The following CRB1 variants were observed in gnomAD, a reference collection of about 807,000 sequenced individuals.
The protein encoded by CRB1 is crumbs cell polarity complex component 1.
In CRB1, 83 loss-of-function variants were observed where a neutral mutation model predicts 120.0. That is an observed-to-expected ratio of 0.69 (90% confidence interval 0.58 to 0.83). CRB1 has a LOEUF of 0.83. Among genes scored for constraint, CRB1 ranks in the 40% least tolerant of loss-of-function variants. CRB1 has a pLI of 0.00. For missense variants in CRB1, 1,699 were observed against 1,687.6 expected, an observed-to-expected ratio of 1.01 and a Z score of -0.12; for synonymous variants, 625 against 612.5, an observed-to-expected ratio of 1.02 and a Z score of -0.30.
the CRB1 span, among the ~76,000 whole-genome samples, chr1:197,257,047 T>A: frequency 4.6e-5 from 7 of 151,066 alleles, no homozygotes; most frequent in African/African-American, 1.7e-4. Flanking sequence ...AAAGCCAAAG[T>A]GGTGTAATTC....
the CRB1 span, among the ~76,000 whole-genome samples, chr1:197,218,894 G>A: frequency 6.6e-6 from 1 of 152,342 alleles, no homozygotes; most frequent in South Asian, 2.1e-4. Context: ...AAGTTGGAAG[G>A]AGTATTTAGT....
At chr1:197,436,757 G>A (rs190727703) in intron 9 of CRB1, among the ~76,000 whole-genome samples, 171 of 152,114 alleles carry the variant, frequency 1.1e-3, no homozygotes, top group African/African-American at 4.0e-3. Context: ...GCATTTTGAC[G>A]AACAAGATTT....
chr1:197,408,155 G>A (rs1450215257), intron 5 of CRB1, among the ~76,000 whole-genome samples: 2 of 152,088 alleles, frequency 1.3e-5, no homozygotes, highest in Non-Finnish European at 2.9e-5. Flanking sequence ...CTCTGTGCTG[G>A]GTTCCATATG....
At chr1:197,207,933 T>C in the CRB1 span, among the ~76,000 whole-genome samples, 3 of 151,978 alleles carry the variant, frequency 2.0e-5, no homozygotes, top group African/African-American at 7.2e-5. Flanking sequence ...TTTTTCTTTG[T>C]TTTGGTTGGA....
In CRB1 at chr1:197,356,996, G is replaced by C. The variant is rs1186916960; in HGVS notation, c.1154G>C (p.Cys385Ser). The C allele has an allele frequency of 6.2e-7, 1 of 1,614,220 alleles. No individual in the cohort carries two copies. Residue 385 changes from cysteine (C) to serine (S), a missense_variant, in exon 5 of 12, where the codon TGT becomes TCT. Cys to Ser is a moderately radical substitution (Grantham distance 112). Coordinates refer to ENST00000367400, the MANE Select transcript of CRB1 (RefSeq NM_201253.3). ...YHEASGYVCI[C>S]QPGFTGIHCE... ...GAAGCCTCAGGTTATGTCTGTATCT[G>C]TCAGCCTGGATTCACAGGTGAGGCC... is the stretch of plus-strand genomic sequence containing the variant.
chr1:197,317,391 C>T (rs1272881259), intron 1 of CRB1, among the ~76,000 whole-genome samples: 1 of 152,040 alleles, frequency 6.6e-6, no homozygotes, highest in Non-Finnish European at 1.5e-5. Flanking sequence ...GCACTCCAGC[C>T]TGGGTGACAG....
At chr1:197,405,941 G>A (rs188067706) in intron 5 of CRB1, among the ~76,000 whole-genome samples, 8,356 of 151,246 alleles carry the variant, frequency 0.055, 728 homozygotes, top group African/African-American at 0.19. Context: ...CGTCCCGTCC[G>A]GGAGGGAGGT....
chr1:197,469,220 AAAAT>A (rs1372015541), intron 11 of CRB1, among the ~76,000 whole-genome samples: 1 of 152,208 alleles, frequency 6.6e-6, no homozygotes, highest in Non-Finnish European at 1.5e-5. Context: ...ACCCTGTCTC[AAAAT>A]AAATAAATAA....
intron 5 of CRB1, among the ~76,000 whole-genome samples, chr1:197,373,873 G>GA (rs1661505830): frequency 6.6e-6 from 1 of 152,084 alleles, no homozygotes; most frequent in Non-Finnish European, 1.5e-5. Flanking sequence ...CTTGAAAACT[G>GA]AAAATAAGAA....
intron 1 of CRB1, among the ~76,000 whole-genome samples, chr1:197,291,174 G>T (rs1656156074): frequency 6.6e-6 from 1 of 151,714 alleles, no homozygotes; most frequent in African/African-American, 2.4e-5. Flanking sequence ...TTCCATGCAA[G>T]ATAATTCATT....
chr1:197,386,821 A>C (rs1400348223), intron 5 of CRB1, among the ~76,000 whole-genome samples: 1 of 152,186 alleles, frequency 6.6e-6, no homozygotes, highest in African/African-American at 2.4e-5. Context: ...CTCTTTTAAG[A>C]AAATCGGAGC....
intron 1 of CRB1, among the ~76,000 whole-genome samples, chr1:197,293,359 C>T (rs1022219601): frequency 3.3e-5 from 5 of 151,884 alleles, no homozygotes; most frequent in South Asian, 2.1e-4. Context: ...TTACAAAGGA[C>T]GTGAAGGACC....
At chr1:197,227,424 G>A in the CRB1 span, among the ~76,000 whole-genome samples, 5 of 141,364 alleles carry the variant, frequency 3.5e-5, no homozygotes, top group East Asian at 2.1e-4. Context: ...ATGGAGTCTC[G>A]CTCATCGCCC....
intron 8 of CRB1, among the ~76,000 whole-genome samples, chr1:197,430,739 C>A (rs1039404693): frequency 3.3e-5 from 5 of 152,098 alleles, no homozygotes; most frequent in African/African-American, 1.2e-4. Flanking sequence ...ATTTGTCTAT[C>A]ATCTCTTTCA....
intron 6 of CRB1, among the ~76,000 whole-genome samples, chr1:197,424,665 C>A (rs762160374): frequency 2.4e-4 from 37 of 152,158 alleles, no homozygotes; most frequent in Non-Finnish European, 4.6e-4. Flanking sequence ...AGCCACACTT[C>A]GTGATTGCGT....
chr1:197,433,175 C>A (rs541167631), intron 8 of CRB1, among the ~76,000 whole-genome samples: 1 of 151,912 alleles, frequency 6.6e-6, no homozygotes, highest in Non-Finnish European at 1.5e-5. Context: ...AGATTATACC[C>A]ACAACTGGCT....
At chr1:197,272,324 C>A (rs894557313) in intron 1 of CRB1, among the ~76,000 whole-genome samples, 1 of 152,090 alleles carries the variant, frequency 6.6e-6, no homozygotes, top group Non-Finnish European at 1.5e-5. Flanking sequence ...ATAATCTCAT[C>A]AGTTTACAGT....
At chr1:197,422,020 A>G (rs1664360289) in intron 6 of CRB1, 64 bp downstream of exon 6, 1 of 1,474,608 alleles carries the variant, frequency 6.8e-7, no homozygotes, top group African/African-American at 1.4e-5. Flanking sequence ...GAAACAGCAA[A>G]AACAGCCAGA....
intron 8 of CRB1, among the ~76,000 whole-genome samples, chr1:197,433,298 A>G (rs895070142): frequency 6.6e-6 from 1 of 152,128 alleles, no homozygotes. Flanking sequence ...AGAGCAGTAG[A>G]AGCAGGGACA....
Sources: allele counts gnomAD v4.1 joint callset (sites outside exome capture counted in the v4.1 genomes callset), GRCh38; gene constraint gnomAD v4.1.1; transcripts MANE v1.5; gene names NCBI Gene and HGNC (gene_info 2026-07-23, HGNC 2026-07-21).